Variants in ACACB observed in about 807,000 individuals in gnomAD.
ACACB encodes acetyl-CoA carboxylase 2.
Under a neutral mutation model 278.8 loss-of-function variants are expected in ACACB, and 209 were observed. That is an observed-to-expected ratio of 0.75 (90% CI 0.67 to 0.84). The LOEUF is 0.84. Ranked by LOEUF, ACACB falls within the 40% of genes least tolerant of loss-of-function variation. ACACB has a pLI of 0.00. For missense variants in ACACB, 2,850 were observed against 3,269.0 expected, an observed-to-expected ratio of 0.87 and a Z score of 3.13; for synonymous variants, 1,174 against 1,285.6, an observed-to-expected ratio of 0.91 and a Z score of 1.86.
intron 2 of ACACB, among the ~76,000 whole-genome samples, chr12:109,148,830 G>A (rs895380145): frequency 1.3e-5 from 2 of 152,158 alleles, no homozygotes; most frequent in Non-Finnish European, 2.9e-5. Flanking sequence ...GTATGTGTGT[G>A]TCTTAGAGGG....
At chr12:109,146,870 T>C (rs2043255617) in intron 2 of ACACB, among the ~76,000 whole-genome samples, 1 of 152,018 alleles carries the variant, frequency 6.6e-6, no homozygotes, top group South Asian at 2.1e-4. Flanking sequence ...AGATGAGGTT[T>C]TGCCATTTTG....
chr12:109,174,270 C>T, intron 7 of ACACB, 40 bp downstream of exon 7: 2 of 1,515,480 alleles, frequency 1.3e-6, no homozygotes, highest in Non-Finnish European at 1.8e-6. Context: ...AGCTTCTCAG[C>T]CCAGTCTTGA....
intron 28 of ACACB, among the ~76,000 whole-genome samples, chr12:109,232,415 G>C (rs2046499059): frequency 6.6e-6 from 1 of 152,228 alleles, no homozygotes; most frequent in Non-Finnish European, 1.5e-5. Flanking sequence ...ACTGTGTTGA[G>C]ACTGGACTCT....
At chr12:109,244,900 G>A (rs1011833699) in intron 37 of ACACB, among the ~76,000 whole-genome samples, 7 of 152,188 alleles carry the variant, frequency 4.6e-5, no homozygotes. Context: ...ACAAAGAGGA[G>A]TAGAAAAAGT....
intron 28 of ACACB, among the ~76,000 whole-genome samples, chr12:109,227,923 C>T (rs1470803769): frequency 1.3e-5 from 2 of 150,836 alleles, no homozygotes; most frequent in African/African-American, 2.5e-5. Flanking sequence ...ATCCCAGCTA[C>T]TGGGGAGGCT....
Position 109,199,507 on chromosome 12 carries a change from G to T in ACACB, c.2733G>T (p.Glu911Asp). The change falls in exon 18 of 53, where the codon GAG becomes GAT. Residue 911 changes from glutamate (E) to aspartate (D), a missense_variant. By Grantham distance (45) the Glu-to-Asp change is conservative. Around this residue, in one of 3 missense-constraint regions of ACACB, gnomAD observed 2,265 missense variants for 2,561.3 expected, o/e 0.88. Coordinates refer to ENST00000338432, the MANE Select transcript of ACACB (RefSeq NM_001093.4). ...GGAAGCTGACACAGTACACAGTGGA[G>T]GATGGGGGCCACGTTGAGGCTGGGA... ...SAGKLTQYTV[E>D]DGGHVEAGSS... is the part of the protein sequence containing the mutation. 1 of 1,540,716 alleles carries T rather than the reference G, an allele frequency of 6.5e-7. No homozygotes were observed.
chr12:109,243,290 A>T (rs2046850379), intron 37 of ACACB, among the ~76,000 whole-genome samples: 1 of 152,148 alleles, frequency 6.6e-6, no homozygotes, highest in Non-Finnish European at 1.5e-5. Context: ...AGTAATTTTT[A>T]GTCTACTCTT....
chr12:109,210,145 ATATATACACACGTGTGTATATGTATATAT>A lies in ACACB; in HGVS notation c.3249+793_3249+821del, dbSNP rs2045700710. Among the ~76,000 whole-genome samples, 2 of 55,216 alleles carry A rather than the reference ATATATACACACGTGTGTATATGTATATAT, an allele frequency of 3.6e-5. 1 individual carries two copies. The highest frequency in any genetic ancestry group is 7.3e-5 in the Non-Finnish European group (2 of 27,444). The allele number at this position is 55,216 out of a possible 152,430, so 36.2% of individuals were successfully genotyped here. A position where few individuals can be genotyped will look rare whatever the true frequency, so the allele number is the denominator to read the frequency against. The stretch of plus-strand genomic sequence containing the variant: ...CGTACATGTATGTGTGTATATATGT[ATATATACACACGTGTGTATATGTATATAT>A]GTATATATACACACGTGTGTATATG... On this transcript the variant is annotated intron_variant, in intron 21 of 52. Coordinates refer to ENST00000338432, the MANE Select transcript of ACACB (RefSeq NM_001093.4).
chr12:109,240,013 C>G, intron 35 of ACACB, 28 bp downstream of exon 35: 1 of 1,606,476 alleles, frequency 6.2e-7, no homozygotes, highest in Non-Finnish European at 8.5e-7. Context: ...GGGCTCTCAC[C>G]GGGCTCTGGG....
At chr12:109,191,587 A>G (rs745581099) in intron 13 of ACACB, 26 bp from the exon 14 acceptor site, 4 of 1,612,788 alleles carry the variant, frequency 2.5e-6, no homozygotes, top group African/African-American at 1.3e-5. Flanking sequence ...AATTTGGAAA[A>G]TGATCCATGT....
Position 109,179,081 on chromosome 12 carries a change from C to A in ACACB, c.1438-7C>A. On this transcript the variant is annotated splice_region_variant and splice_polypyrimidine_tract_variant and intron_variant, in intron 9 of 52. Coordinates refer to ENST00000338432, the MANE Select transcript of ACACB (RefSeq NM_001093.4). ...TGAAGATCAGGCTGCTCTGCTTCCC[C>A]CGACAGGTACAGAGTGAGATCCCAG... The A allele has an allele frequency of 6.2e-7, 1 of 1,611,082 alleles. No individual in the cohort carries two copies. Among genetic ancestry groups the A allele is most frequent in the Non-Finnish European group, 8.5e-7 (1 of 1,178,604 alleles).
intron 2 of ACACB, among the ~76,000 whole-genome samples, chr12:109,159,915 C>T (rs945813876): frequency 7.9e-5 from 12 of 151,964 alleles, no homozygotes; most frequent in Non-Finnish European, 1.6e-4. Flanking sequence ...CATAGTGAAA[C>T]CCCATTTCTA....
Position 109,240,000 on chromosome 12 carries a change from G to A in ACACB, c.4818+15G>A. 6.2e-7 allele frequency: 1 copy of A among 1,610,842 alleles called. No homozygotes were observed. Among genetic ancestry groups the A allele is most frequent in the Non-Finnish European group, 8.5e-7 (1 of 1,178,262 alleles). On this transcript the variant is annotated intron_variant, in intron 35 of 52. Transcript: ENST00000338432. Reference sequence around the variant, plus strand: ...ACCCCTTCAAGGTCTCGCCTTTGCAGGGGGGCTCTCACCGGGCTCTGGGTT... The same window carrying A: ...ACCCCTTCAAGGTCTCGCCTTTGCAAGGGGGCTCTCACCGGGCTCTGGGTT...
At chr12:109,222,775 G>T in intron 25 of ACACB, 24 bp from the exon 26 acceptor site, 1 of 1,597,932 alleles carries the variant, frequency 6.3e-7, no homozygotes. Flanking sequence ...GCTCACGCCA[G>T]CGCCCCCATC....
intron 45 of ACACB, among the ~76,000 whole-genome samples, chr12:109,256,753 A>C (rs1270401181): frequency 1.3e-5 from 2 of 152,214 alleles, no homozygotes; most frequent in Non-Finnish European, 2.9e-5. Context: ...CATTCCTGGT[A>C]CGATGTCGCA....
At chr12:109,191,458 C>G (rs1438246828) in intron 13 of ACACB, 155 bp from the exon 14 acceptor site, 1 of 824,252 alleles carries the variant, frequency 1.2e-6, no homozygotes, top group Non-Finnish European at 1.9e-6. Context: ...AAGTAATACA[C>G]CTACCTCAGC....
chr12:109,180,229 T>A, intron 11 of ACACB, 142 bp downstream of exon 11: 1 of 787,410 alleles, frequency 1.3e-6, no homozygotes, highest in Non-Finnish European at 2.0e-6. Flanking sequence ...GAGAAATCTG[T>A]AAAAGCTATA....
intron 33 of ACACB, 136 bp from the exon 34 acceptor site, chr12:109,237,029 T>C (rs1020159716): frequency 3.6e-6 from 3 of 823,990 alleles, no homozygotes; most frequent in African/African-American, 1.7e-5. Flanking sequence ...GGGAACATCA[T>C]GAATGCTGCA....
At chr12:109,264,686 C>A (rs889555924) in intron 50 of ACACB, among the ~76,000 whole-genome samples, 1 of 152,120 alleles carries the variant, frequency 6.6e-6, no homozygotes. Context: ...CAGTTTGGAC[C>A]TGGACCAGGG....
Sources: allele counts gnomAD v4.1 joint callset (sites outside exome capture counted in the v4.1 genomes callset), GRCh38; gene constraint gnomAD v4.1.1; regional missense constraint gnomAD v4.1.1; transcripts MANE v1.5; gene names NCBI Gene and HGNC (gene_info 2026-07-23, HGNC 2026-07-21).